Variants in CR2 observed in about 807,000 individuals in gnomAD.
The protein encoded by CR2 is complement C3d receptor 2.
In CR2, 96 loss-of-function variants were observed where a neutral mutation model predicts 123.0. The observed-to-expected ratio is 0.78, with a 90% confidence interval of 0.66 to 0.93. The LOEUF (loss-of-function observed/expected upper bound fraction) is 0.93. Ranked by LOEUF, CR2 falls within the 40% of genes least tolerant of loss-of-function variation. CR2 has a pLI of 0.00. For synonymous variants in CR2, 484 were observed against 469.5 expected, an observed-to-expected ratio of 1.03 and a Z score of -0.40; for missense variants, 1,258 against 1,361.0, an observed-to-expected ratio of 0.92 and a Z score of 1.19.
At chr1:207,460,657 C>T (rs1354663553) in intron 1 of CR2, among the ~76,000 whole-genome samples, 5 of 152,054 alleles carry the variant, frequency 3.3e-5, no homozygotes, top group East Asian at 1.9e-4. Flanking sequence ...AACTTGAGCT[C>T]GTTCTCATAC....
In CR2 at chr1:207,473,684, T is replaced by C; in HGVS notation, c.2118T>C (p.Pro706=). The part of the protein sequence containing the change: ...LVGNKSIHCM[P]SGNWSPSAPR... ...GAAACAAATCCATTCACTGTATGCCTTCAGGAAATTGGAGTCCTTCTGCCC... is the reference window on the plus strand; with the variant it reads ...GAAACAAATCCATTCACTGTATGCCCTCAGGAAATTGGAGTCCTTCTGCCC... The change falls in exon 11 of 20, where the codon CCT becomes CCC. Residue 706 remains proline (P), a synonymous_variant. Coordinates refer to ENST00000367057, the MANE Select transcript of CR2 (RefSeq NM_001006658.3). The C allele has an allele frequency of 6.2e-7, 1 of 1,614,046 alleles. No homozygotes were observed. The highest frequency in any genetic ancestry group is 8.5e-7 in the Non-Finnish European group (1 of 1,179,902).
chr1:207,460,935 G>A (rs1395754453), intron 1 of CR2, among the ~76,000 whole-genome samples: 2 of 151,834 alleles, frequency 1.3e-5, no homozygotes, highest in African/African-American at 2.4e-5. Context: ...GGCATTAACG[G>A]TTTAATAGCT....
At chr1:207,460,714 A>G (rs533562412) in intron 1 of CR2, among the ~76,000 whole-genome samples, 1 of 152,168 alleles carries the variant, frequency 6.6e-6, no homozygotes, top group South Asian at 2.1e-4. Context: ...TATCATTGCT[A>G]TAGTTTCTTA....
Position 207,454,409 on chromosome 1 carries a change from C to A in CR2, c.-10C>A. On this transcript the variant is annotated 5_prime_UTR_variant, in exon 1 of 20. Coordinates refer to ENST00000367057, the MANE Select transcript of CR2 (RefSeq NM_001006658.3). The surrounding 1 kb of genome is among the most constrained non-coding windows in gnomAD (Gnocchi z 4.3). ...GGAACGCATCCCGCCGCGGGGGCTTCGGCCGTGGCATGGGCGCCGCGGGCC... is the reference window on the plus strand; with the variant it reads ...GGAACGCATCCCGCCGCGGGGGCTTAGGCCGTGGCATGGGCGCCGCGGGCC... The A allele has an allele frequency of 6.3e-7, 1 of 1,577,696 alleles. No homozygotes were observed. The highest frequency in any genetic ancestry group is 2.3e-5 in the East Asian group (1 of 43,836).
In CR2 at chr1:207,454,514, C is replaced by T; in HGVS notation, c.58+38C>T. Reference sequence around the variant, plus strand: ...GGGGAGCACGGAGGTGGGGACGCGTCCCGGGCAGGGAAAGTTTCTGTGCCG... The same window carrying T: ...GGGGAGCACGGAGGTGGGGACGCGTTCCGGGCAGGGAAAGTTTCTGTGCCG... On this transcript the variant is annotated intron_variant, in intron 1 of 19. Coordinates refer to ENST00000367057, the MANE Select transcript of CR2 (RefSeq NM_001006658.3). The surrounding 1 kb of genome is among the most constrained non-coding windows in gnomAD (Gnocchi z 4.3). The T allele has an allele frequency of 1.4e-6, 2 of 1,452,518 alleles. No individual in the cohort carries two copies. Among genetic ancestry groups the T allele is most frequent in the Non-Finnish European group, 1.9e-6 (2 of 1,080,320 alleles). 90.0% of individuals were successfully genotyped at this position (1,452,518 alleles called of 1,614,324 possible).
Position 207,468,513 on chromosome 1 carries a change from A to G in CR2, c.446-14A>G, listed in dbSNP as rs751623731. ...CATCTGACGGCTTTTTTTTCCTGGT[A>G]TGTGTGTGTAAAGTTTTCCCTCTCG... is the stretch of plus-strand genomic sequence containing the variant. On this transcript the variant is annotated splice_polypyrimidine_tract_variant and intron_variant, in intron 2 of 19. Transcript: ENST00000367057. 6 of 1,613,096 alleles carry G rather than the reference A, an allele frequency of 3.7e-6. No individual in the cohort carries two copies. The highest frequency in any genetic ancestry group is 1.3e-5 in the African/African-American group (1 of 74,752).
At position 207,469,766 on chromosome 1, in the gene CR2, T is replaced by A. The variant is rs1333969824; in HGVS notation, c.889T>A (p.Tyr297Asn). The A allele has an allele frequency of 3.1e-6, 5 of 1,613,934 alleles. No homozygotes were observed. The highest frequency in any genetic ancestry group is 4.2e-6 in the Non-Finnish European group (5 of 1,179,884). Reference sequence around the variant, plus strand: ...AGGCAACTCACTAGCAAATGTCTCATATGGAAGCATAGTCACTTACACTTG... The same window carrying A: ...AGGCAACTCACTAGCAAATGTCTCAAATGGAAGCATAGTCACTTACACTTG... ...HIGNSLANVS[Y>N]GSIVTYTCDP... Residue 297 changes from tyrosine to asparagine, a missense_variant, in exon 6 of 20, where the codon TAT becomes AAT. Coordinates refer to ENST00000367057, the MANE Select transcript of CR2 (RefSeq NM_001006658.3).
intron 1 of CR2, among the ~76,000 whole-genome samples, chr1:207,458,435 T>G (rs1242299873): frequency 4.6e-5 from 7 of 152,174 alleles, no homozygotes; most frequent in Non-Finnish European, 1.0e-4. Flanking sequence ...CAGGATAATA[T>G]TCACATATCT....
In CR2 at chr1:207,454,410, G is replaced by C. The variant is rs751947269; in HGVS notation, c.-9G>C. The C allele has an allele frequency of 5.1e-6, 8 of 1,578,534 alleles. 1 individual carries two copies. The South Asian group carries it at 6.8e-5, about 14-fold the overall frequency. On this transcript the variant is annotated 5_prime_UTR_variant, in exon 1 of 20. Transcript: ENST00000367057. This position sits in a 1 kb window ranked among gnomAD's most constrained non-coding sequence, Gnocchi z 4.3. ...GAACGCATCCCGCCGCGGGGGCTTCGGCCGTGGCATGGGCGCCGCGGGCCT... is the reference window on the plus strand; with the variant it reads ...GAACGCATCCCGCCGCGGGGGCTTCCGCCGTGGCATGGGCGCCGCGGGCCT...
intron 1 of CR2, among the ~76,000 whole-genome samples, chr1:207,458,077 C>CACACACACACACAT (rs760630328): frequency 3.3e-5 from 5 of 150,076 alleles, no homozygotes; most frequent in South Asian, 2.1e-4. Flanking sequence ...CACACACACA[C>CACACACACACACAT]ACACACACAC....
intron 1 of CR2, among the ~76,000 whole-genome samples, chr1:207,465,239 A>T (rs963290703): frequency 2.0e-5 from 3 of 152,146 alleles, no homozygotes; most frequent in Admixed American, 6.5e-5. Flanking sequence ...CTAGTTAAAG[A>T]GTTTAAAAGT....
At chr1:207,455,645 AT>A (rs1247911410) in intron 1 of CR2, among the ~76,000 whole-genome samples, 1 of 152,204 alleles carries the variant, frequency 6.6e-6, no homozygotes, top group Non-Finnish European at 1.5e-5. Context: ...TCTCCAGACC[AT>A]TATCTTCATC....
chr1:207,469,150 G>A lies in CR2; in HGVS notation c.735G>A (p.Gly245=), dbSNP rs745918801. ...CTGAATGACAACCTTCTGTCTCCAG[G>A]TATCGACTGCAAGGCCCACCTTCTA... ...GVTANFFCDE[G]YRLQGPPSSR... is the part of the protein sequence containing the mutation. The change falls in exon 5 of 20, where the codon GGG becomes GGA. Residue 245 remains glycine (G), a splice_region_variant and synonymous_variant. Transcript: ENST00000367057. 1 of 1,613,698 alleles carries A rather than the reference G, an allele frequency of 6.2e-7. No individual in the cohort carries two copies. Among genetic ancestry groups the A allele is most frequent in the Non-Finnish European group, 8.5e-7 (1 of 1,179,614 alleles).
chr1:207,471,723 C>T (rs1190080165), intron 9 of CR2: 5 of 476,788 alleles, frequency 1.0e-5, no homozygotes, highest in South Asian at 4.0e-5. Flanking sequence ...TTGTGGTTTA[C>T]GATTATGGGA....
At chr1:207,460,292 A>G (rs1307247091) in intron 1 of CR2, among the ~76,000 whole-genome samples, 1 of 152,164 alleles carries the variant, frequency 6.6e-6, no homozygotes, top group Non-Finnish European at 1.5e-5. Context: ...AAAGAAACTG[A>G]GGAAATAAAT....
At chr1:207,479,596 C>T (rs1658548119) in intron 17 of CR2, among the ~76,000 whole-genome samples, 1 of 152,206 alleles carries the variant, frequency 6.6e-6, no homozygotes, top group Admixed American at 6.5e-5. Flanking sequence ...ATACATTTCA[C>T]AGCTGAGAGT....
At chr1:207,483,094 C>T (rs1204989971) in intron 18 of CR2, among the ~76,000 whole-genome samples, 1 of 152,126 alleles carries the variant, frequency 6.6e-6, no homozygotes, top group Non-Finnish European at 1.5e-5. Context: ...GTTCGTGAGT[C>T]TTTGTACATG....
At chr1:207,483,250 C>T (rs937513311) in intron 18 of CR2, among the ~76,000 whole-genome samples, 1 of 152,166 alleles carries the variant, frequency 6.6e-6, no homozygotes, top group Non-Finnish European at 1.5e-5. Flanking sequence ...CTGCATCTAT[C>T]ATTTACCCTG....
rs1286126493 is a variant in CR2 at position 207,468,622 on chromosome 1, T to TA, written c.542dup (p.Tyr181Ter). 1.2e-6 allele frequency: 2 copies of TA among 1,613,996 alleles called. No homozygotes were observed. The highest frequency in any genetic ancestry group is 1.3e-5 in the African/African-American group (1 of 74,922). ...GSIAPGLSVTYSCESGYLLVG... is the reference protein window; with the variant it reads ...GSIAPGLSVT ...CATTGCTCCAGGATTGTCTGTGACT[T>TA]ACAGCTGTGAATCTGGTTACTTGCT... The change falls in exon 3 of 20, where the codon TAC (tyrosine) becomes TAAC (stop). Residue 181 changes from tyrosine (Y) to a stop codon, truncating the protein, a stop_gained and frameshift_variant. Coordinates refer to ENST00000367057, the MANE Select transcript of CR2 (RefSeq NM_001006658.3). LOFTEE classifies it high-confidence loss of function.
Sources: gnomAD v4.1 joint callset for allele counts (sites outside exome capture counted in the v4.1 genomes callset) on GRCh38, gnomAD v4.1.1 for gene constraint, Gnocchi (gnomAD v3.1) non-coding constraint, MANE v1.5 for transcripts, NCBI Gene and HGNC (gene_info 2026-07-23, HGNC 2026-07-21) for gene names.